DTNA: variants seen among roughly 807,000 people sequenced by gnomAD.
The protein encoded by DTNA is dystrophin-related protein 3.
A neutral mutation model predicts 100.7 loss-of-function variants in DTNA; 43 were observed. That is an observed-to-expected ratio of 0.43 (90% CI 0.33 to 0.55). The LOEUF is 0.55. Among genes scored for constraint, DTNA ranks in the 20% least tolerant of loss-of-function variants. The pLI, the probability that DTNA is intolerant of heterozygous loss-of-function variation, is 0.04. For missense variants in DTNA, 798 were observed against 953.9 expected (o/e 0.84, Z 2.15); for synonymous variants, 349 against 347.9 (o/e 1.00, Z -0.04).
Position 34,879,535 on chromosome 18 carries a change from C to A in DTNA, c.1994-16C>A. ...TCTAACGAGTCATTCTTTATTTCTTCAATTGTATCTGCTAGAGGTTGGGAG... is the reference window on the plus strand; with the variant it reads ...TCTAACGAGTCATTCTTTATTTCTTAAATTGTATCTGCTAGAGGTTGGGAG... On this transcript the variant is annotated splice_polypyrimidine_tract_variant and intron_variant, in intron 19 of 22. Coordinates refer to ENST00000444659, the MANE Select transcript of DTNA (RefSeq NM_001386795.1). 1 of 1,613,822 alleles carries A rather than the reference C, an allele frequency of 6.2e-7. No homozygotes were observed. Among genetic ancestry groups the A allele is most frequent in the Non-Finnish European group, 8.5e-7 (1 of 1,179,846 alleles).
At chr18:34,590,072 A>G (rs1431483128) in intron 1 of DTNA, among the ~76,000 whole-genome samples, 1 of 152,218 alleles carries the variant, frequency 6.6e-6, no homozygotes, top group Non-Finnish European at 1.5e-5. Context: ...GCATGGAAGT[A>G]CAGATACCTT....
At chr18:34,850,788 TAAATC>T (rs925959941) in intron 14 of DTNA, among the ~76,000 whole-genome samples, 4 of 152,170 alleles carry the variant, frequency 2.6e-5, no homozygotes, top group Non-Finnish European at 5.9e-5. Context: ...CAACACCAAA[TAAATC>T]CTTGACTAAA....
intron 1 of DTNA, among the ~76,000 whole-genome samples, chr18:34,541,448 G>T (rs1435771868): frequency 6.6e-6 from 1 of 152,006 alleles, no homozygotes; most frequent in Non-Finnish European, 1.5e-5. Context: ...TTTTTCTCAT[G>T]CTGTTCTCTT....
chr18:34,642,498 T>C (rs1339665018), intron 1 of DTNA, among the ~76,000 whole-genome samples: 1 of 151,946 alleles, frequency 6.6e-6, no homozygotes, highest in Non-Finnish European at 1.5e-5. Context: ...CCTTCCTTCC[T>C]TCCTTCCTTT....
At chr18:34,578,253 G>C (rs1038855311) in intron 1 of DTNA, among the ~76,000 whole-genome samples, 3 of 151,854 alleles carry the variant, frequency 2.0e-5, no homozygotes, top group Admixed American at 2.0e-4. Flanking sequence ...ACATATGTTT[G>C]TTGGCCATTT....
intron 17 of DTNA, chr18:34,867,655 A>C: frequency 1.0e-6 from 1 of 990,604 alleles, no homozygotes; most frequent in Non-Finnish European, 1.2e-6. Flanking sequence ...TGTCGTCATC[A>C]GCCTTGCTTT....
intron 1 of DTNA, among the ~76,000 whole-genome samples, chr18:34,496,305 G>C (rs958206525): frequency 6.6e-6 from 1 of 151,528 alleles, no homozygotes. Flanking sequence ...GGTCAGAGTG[G>C]TTGTATGCTA....
chr18:34,792,000 C>T lies in DTNA; in HGVS notation c.149-2037C>T, dbSNP rs139345585. Reference sequence around the variant, plus strand: ...GTGCTCCTTGAGCACAGGTATCTTCCCTTCATAACATAAAACATTATTTTG... The same window carrying T: ...GTGCTCCTTGAGCACAGGTATCTTCTCTTCATAACATAAAACATTATTTTG... On this transcript the variant is annotated intron_variant, in intron 3 of 22. Coordinates refer to ENST00000444659, the MANE Select transcript of DTNA (RefSeq NM_001386795.1). Among the ~76,000 whole-genome samples, 26 of 152,246 alleles carry T rather than the reference C, an allele frequency of 1.7e-4. No individual in the cohort carries two copies. The East Asian group carries it at 2.5e-3, about 15-fold the overall frequency.
chr18:34,853,966 C>CA (rs1380674624), intron 15 of DTNA, among the ~76,000 whole-genome samples: 1 of 151,988 alleles, frequency 6.6e-6, no homozygotes, highest in Non-Finnish European at 1.5e-5. Flanking sequence ...AGAAACAACC[C>CA]AAAAAAAGGA....
chr18:34,611,647 A>AG (rs1346080730), intron 1 of DTNA, among the ~76,000 whole-genome samples: 2 of 152,298 alleles, frequency 1.3e-5, no homozygotes, highest in Non-Finnish European at 2.9e-5. Flanking sequence ...GAAGGGGCAC[A>AG]GGGGGAAAAC....
intron 1 of DTNA, among the ~76,000 whole-genome samples, chr18:34,687,097 T>C (rs1260629077): frequency 6.6e-6 from 1 of 152,202 alleles, no homozygotes; most frequent in Non-Finnish European, 1.5e-5. Context: ...AACCACCTCC[T>C]GGATTCGTTG....
intron 1 of DTNA, among the ~76,000 whole-genome samples, chr18:34,620,936 G>A (rs1457479330): frequency 6.6e-6 from 1 of 151,862 alleles, no homozygotes; most frequent in Non-Finnish European, 1.5e-5. Flanking sequence ...AAATGTATTT[G>A]GAGTAACTGA....
chr18:34,555,901 C>G (rs1177753324), intron 1 of DTNA, among the ~76,000 whole-genome samples: 1 of 151,960 alleles, frequency 6.6e-6, no homozygotes, highest in Non-Finnish European at 1.5e-5. Flanking sequence ...TGGTGCAGAG[C>G]TGAGTTCAAT....
chr18:34,745,604 C>T (rs560325546), intron 1 of DTNA, among the ~76,000 whole-genome samples: 52 of 152,250 alleles, frequency 3.4e-4, no homozygotes, highest in African/African-American at 1.2e-3. Flanking sequence ...GCATGAGGAG[C>T]GCATCACTGT....
intron 1 of DTNA, among the ~76,000 whole-genome samples, chr18:34,534,677 T>C (rs868035363): frequency 2.0e-5 from 3 of 152,042 alleles, no homozygotes; most frequent in South Asian, 2.1e-4. Context: ...TGGTGCGTGA[T>C]GTTCCCCTCC....
chr18:34,549,556 A>G (rs1382859167), intron 1 of DTNA, among the ~76,000 whole-genome samples: 1 of 152,036 alleles, frequency 6.6e-6, no homozygotes, highest in Non-Finnish European at 1.5e-5. Context: ...GAGTGCCCAG[A>G]TTACCATTGC....
chr18:34,774,865 G>A (rs1230432905), intron 3 of DTNA, among the ~76,000 whole-genome samples: 1 of 152,156 alleles, frequency 6.6e-6, no homozygotes, highest in Non-Finnish European at 1.5e-5. Flanking sequence ...TCATAAATCT[G>A]GGCATCATCT....
intron 3 of DTNA, among the ~76,000 whole-genome samples, chr18:34,786,724 A>G (rs374989491): frequency 1.3e-5 from 2 of 152,320 alleles, no homozygotes; most frequent in Non-Finnish European, 1.5e-5. Flanking sequence ...CAGCATAACT[A>G]CAATTTCCTG....
chr18:34,689,985 GC>G (rs1189044284), intron 1 of DTNA, among the ~76,000 whole-genome samples: 1 of 152,194 alleles, frequency 6.6e-6, no homozygotes, highest in Non-Finnish European at 1.5e-5. Context: ...AATGGTGGAA[GC>G]CCCTCCCTCC....
Sources: allele counts gnomAD v4.1 joint callset (sites outside exome capture counted in the v4.1 genomes callset), GRCh38; gene constraint gnomAD v4.1.1; transcripts MANE v1.5; gene names NCBI Gene and HGNC (gene_info 2026-07-23, HGNC 2026-07-21).